The following GRIN2D variants were observed in gnomAD, a reference collection of about 807,000 sequenced individuals.
GRIN2D encodes glutamate ionotropic receptor NMDA type subunit 2D.
In GRIN2D, 37 loss-of-function variants were observed where a neutral mutation model predicts 103.2. The observed-to-expected ratio is 0.36, with a 90% confidence interval of 0.28 to 0.47. The LOEUF (loss-of-function observed/expected upper bound fraction) is 0.47. GRIN2D is among the 20% of genes least tolerant of loss of function. GRIN2D has a pLI of 1.00. For missense variants in GRIN2D, 1,557 were observed against 1,910.6 expected (o/e 0.81, Z 3.45); for synonymous variants, 845 against 885.6 (o/e 0.95, Z 0.81).
intron 3 of GRIN2D, among the ~76,000 whole-genome samples, chr19:48,401,738 A>G (rs1970712640): frequency 6.6e-6 from 1 of 152,194 alleles, no homozygotes; most frequent in African/African-American, 2.4e-5. Context: ...AAGGGATGTG[A>G]TCCAATTAAT....
At chr19:48,417,203 G>A (rs183297206) in intron 8 of GRIN2D, among the ~76,000 whole-genome samples, 18 of 152,126 alleles carry the variant, frequency 1.2e-4, no homozygotes, top group Admixed American at 9.2e-4. Context: ...TGGCACCACC[G>A]CACTCCAGCC....
At chr19:48,429,213 A>G (rs1971126459) in intron 11 of GRIN2D, among the ~76,000 whole-genome samples, 1 of 152,016 alleles carries the variant, frequency 6.6e-6, no homozygotes, top group Non-Finnish European at 1.5e-5. Flanking sequence ...AGTCAGATAC[A>G]AGAATTTCAG....
intron 11 of GRIN2D, among the ~76,000 whole-genome samples, chr19:48,438,945 A>ATT (rs759980810): frequency 1.5e-5 from 2 of 136,856 alleles, no homozygotes; most frequent in Non-Finnish European, 1.6e-5. Context: ...CACCTGGCTA[A>ATT]TTTTTTTTTT....
chr19:48,430,821 CTTTTTTT>C (rs557084994), intron 11 of GRIN2D, among the ~76,000 whole-genome samples: 5 of 128,922 alleles, frequency 3.9e-5, no homozygotes, highest in Non-Finnish European at 6.5e-5. Flanking sequence ...TTTCTTTTTT[CTTTTTTT>C]TTTTTTTTTG....
In GRIN2D at chr19:48,421,912, G is replaced by A; in HGVS notation, c.2219G>A (p.Arg740His). 3 of 1,614,122 alleles carry A rather than the reference G, an allele frequency of 1.9e-6. No homozygotes were observed. Among genetic ancestry groups the A allele is most frequent in the Non-Finnish European group, 1.7e-6 (2 of 1,180,002 alleles). ...HSYMVRYNQP[R>H]VEEALTQLKA... ...TACATGGTGCGCTACAACCAGCCCC[G>A]CGTAGAGGAAGCGCTCACTCAGCTC... The change falls in exon 11 of 14, where the codon CGC (arginine) becomes CAC (histidine). Residue 740 changes from arginine (R) to histidine (H), a missense_variant. Around this residue, in one of 7 missense-constraint regions of GRIN2D, gnomAD observed 138 missense variants for 270.2 expected, o/e 0.51. Coordinates refer to ENST00000263269, the MANE Select transcript of GRIN2D (RefSeq NM_000836.4). This position sits in a 1 kb window ranked among gnomAD's most constrained non-coding sequence, Gnocchi z 4.8.
At position 48,405,694 on chromosome 19, in the gene GRIN2D, G is replaced by A. The variant is rs1023315389; in HGVS notation, c.1085+341G>A. ...TTTCTTTGTGGTACATCTTATAATT[G>A]AGAGCATTTTAGATTTAGTCTAAAT... On this transcript the variant is annotated intron_variant, in intron 4 of 13. Transcript: ENST00000263269. This position sits in a 1 kb window ranked among gnomAD's most constrained non-coding sequence, Gnocchi z 5.1. Among the ~76,000 whole-genome samples the A allele has an allele frequency of 2.0e-5, 3 of 152,100 alleles. No individual in the cohort carries two copies. Among genetic ancestry groups the A allele is most frequent in the African/African-American group, 4.8e-5 (2 of 41,406 alleles).
At chr19:48,427,476 T>TTTTTTTTTTTTTCTTTC (rs1971101626) in intron 11 of GRIN2D, among the ~76,000 whole-genome samples, 2 of 101,400 alleles carry the variant, frequency 2.0e-5, no homozygotes, top group African/African-American at 1.0e-4. Flanking sequence ...TCTTTTCTTT[T>TTTTTTTTTTTTTCTTTC]TTTTTTTTTT....
At position 48,442,711 on chromosome 19, in the gene GRIN2D, C is replaced by T; in HGVS notation, c.2785C>T (p.Pro929Ser). 8.7e-7 allele frequency: 1 copy of T among 1,146,484 alleles called. No homozygotes were observed. 71.0% of individuals were successfully genotyped at this position (1,146,484 alleles called of 1,614,324 possible). A position where few individuals can be genotyped will look rare whatever the true frequency, so the allele number is the denominator to read the frequency against. Residue 929 changes from proline (P) to serine (S), a missense_variant, in exon 14 of 14, where the codon CCC (proline) becomes TCC (serine). This residue lies in a region of GRIN2D where 632 missense variants were observed against 572.8 expected (regional missense o/e 1.10). Transcript: ENST00000263269. This position sits in a 1 kb window ranked among gnomAD's most constrained non-coding sequence, Gnocchi z 7.2. Reference sequence around the variant, plus strand: ...CCCCGCGCCGCGGCCGGCTCCCGGGCCCGCACCTTTCGTGCCCCGCGAGCG... The same window carrying T: ...CCCCGCGCCGCGGCCGGCTCCCGGGTCCGCACCTTTCGTGCCCCGCGAGCG... ...AYPAPRPAPG[P>S]APFVPRERAS...
rs541638515 is a variant in GRIN2D at position 48,394,896 on chromosome 19, G to GC, written c.-60dup. 1,372 of 153,090 alleles carry GC rather than the reference G, an allele frequency of 9.0e-3. 11 individuals are homozygous for GC. Among genetic ancestry groups the GC allele is most frequent in the Non-Finnish European group, 0.014 (954 of 68,688 alleles). The allele number at this position is 153,090 out of a possible 1,614,324, so 9.5% of individuals were successfully genotyped here. A position where few individuals can be genotyped will look rare whatever the true frequency, so the allele number is the denominator to read the frequency against. ...CGCTGGACGCCGGGTTCCGGTCCTG[G>GC]CCCCCCCGCCATCCCCCCAACAGAA... is the stretch of plus-strand genomic sequence containing the variant. On this transcript the variant is annotated 5_prime_UTR_variant, in exon 2 of 14. Transcript: ENST00000263269. The surrounding 1 kb of genome is among the most constrained non-coding windows in gnomAD (Gnocchi z 5.1).
rs1263136397 is a variant in GRIN2D, at chr19:48,419,262, G to A, written c.1764G>A (p.Met588Ile). Residue 588 changes from methionine (M) to isoleucine (I), a missense_variant, in exon 9 of 14, where the codon ATG becomes ATA. By Grantham distance (10) the Met-to-Ile change is conservative. Coordinates refer to ENST00000263269, the MANE Select transcript of GRIN2D (RefSeq NM_000836.4). ...LEPYSPAVWV[M>I]MFVMCLTVVA... ...CCTACAGCCCCGCCGTGTGGGTGAT[G>A]ATGTTCGTCATGTGCCTCACTGTGG... 6.2e-7 allele frequency: 1 copy of A among 1,611,210 alleles called. No homozygotes were observed. Among genetic ancestry groups the A allele is most frequent in the Non-Finnish European group, 8.5e-7 (1 of 1,179,582 alleles).
At chr19:48,406,414 G>A (rs276720) in intron 4 of GRIN2D, among the ~76,000 whole-genome samples, 44,145 of 151,970 alleles carry the variant, frequency 0.29, 8,285 homozygotes, top group African/African-American at 0.53. Context: ...GGAAAAATTG[G>A]TAAGTTTGGT....
At chr19:48,420,408 A>G (rs543408275) in intron 10 of GRIN2D, among the ~76,000 whole-genome samples, 55 of 152,066 alleles carry the variant, frequency 3.6e-4, no homozygotes, top group African/African-American at 1.3e-3. Context: ...AGCCAGCGCG[A>G]CAGAGTTAGA....
At chr19:48,426,281 A>T (rs1971087215) in intron 11 of GRIN2D, among the ~76,000 whole-genome samples, 1 of 128,440 alleles carries the variant, frequency 7.8e-6, no homozygotes, top group Non-Finnish European at 1.5e-5. Flanking sequence ...GCTGGAGTGC[A>T]GTTGCGCGAT....
chr19:48,419,441 A>T (rs1569065724), intron 9 of GRIN2D, 82 bp downstream of exon 9: 2 of 1,511,342 alleles, frequency 1.3e-6, no homozygotes, highest in Non-Finnish European at 8.9e-7. Context: ...CAGCCCCTGG[A>T]GGGGGGGCGG....
chr19:48,396,128 T>C (rs1009205712), intron 2 of GRIN2D, among the ~76,000 whole-genome samples: 3 of 151,672 alleles, frequency 2.0e-5, no homozygotes, highest in Admixed American at 1.3e-4. Flanking sequence ...ACTTTAGCCC[T>C]ATGCAGATGG....
intron 11 of GRIN2D, among the ~76,000 whole-genome samples, chr19:48,422,244 A>G (rs1971034099): frequency 6.6e-6 from 1 of 152,060 alleles, no homozygotes; most frequent in Non-Finnish European, 1.5e-5. Context: ...GCCTCTCTGA[A>G]CCTCTGTTTC....
intron 4 of GRIN2D, among the ~76,000 whole-genome samples, chr19:48,409,345 C>T (rs1970828304): frequency 7.9e-6 from 1 of 126,596 alleles, no homozygotes. Flanking sequence ...GTGATGTGAT[C>T]TTGGCTCATT....
At chr19:48,404,634 G>T in intron 3 of GRIN2D, 100 bp from the exon 4 acceptor site, 2 of 1,199,004 alleles carry the variant, frequency 1.7e-6, no homozygotes, top group African/African-American at 1.5e-5. Flanking sequence ...TGAACCTGTC[G>T]AGTCAGTCTG....
intron 11 of GRIN2D, among the ~76,000 whole-genome samples, chr19:48,436,110 G>T (rs1222995598): frequency 6.6e-6 from 1 of 152,140 alleles, no homozygotes; most frequent in Non-Finnish European, 1.5e-5. Flanking sequence ...CAAGACGGGG[G>T]GTCTGCAATG....
Sources: gnomAD v4.1 joint callset for allele counts (sites outside exome capture counted in the v4.1 genomes callset) on GRCh38, gnomAD v4.1.1 for gene constraint, gnomAD v4.1.1 regional missense constraint, Gnocchi (gnomAD v3.1) non-coding constraint, MANE v1.5 for transcripts, NCBI Gene and HGNC (gene_info 2026-07-23, HGNC 2026-07-21) for gene names.